RELN: variants seen among roughly 807,000 people sequenced by gnomAD.
The protein encoded by RELN is reelin.
A neutral mutation model predicts 427.6 loss-of-function variants in RELN; 108 were observed. The ratio of observed to expected loss-of-function variants is 0.25; its 90% confidence interval spans 0.22 to 0.30. The LOEUF is 0.30. Among genes scored for constraint, RELN ranks in the 10% least tolerant of loss-of-function variants. The probability of loss-of-function intolerance (pLI) is 1.00; values close to 1 mark genes in which losing one functional copy is unlikely to be tolerated. For missense variants in RELN, 3,715 were observed against 4,302.8 expected (o/e 0.86, Z 3.82); for synonymous variants, 1,524 against 1,513.4 (o/e 1.01, Z -0.16).
At chr7:103,503,921 A>G (rs1395166147) in intron 51 of RELN, among the ~76,000 whole-genome samples, 1 of 145,928 alleles carries the variant, frequency 6.9e-6, no homozygotes, top group Admixed American at 6.8e-5. Context: ...AAAAAAAACT[A>G]GAGGCTGGGT....
chr7:103,887,968 T>TCC (rs1794761340), intron 2 of RELN, among the ~76,000 whole-genome samples: 8 of 152,138 alleles, frequency 5.3e-5, no homozygotes, highest in African/African-American at 1.9e-4. Context: ...GGGAAAACCC[T>TCC]TGGTGACATG....
At chr7:103,841,647 T>C (rs953645078) in intron 2 of RELN, among the ~76,000 whole-genome samples, 4 of 152,288 alleles carry the variant, frequency 2.6e-5, no homozygotes, top group Middle Eastern at 3.4e-3. Context: ...TTCTGTGCTT[T>C]TAATGTGCAC....
In RELN at chr7:103,589,636, T is replaced by C. The variant is rs115633553; in HGVS notation, c.4105A>G (p.Thr1369Ala). The C allele has an allele frequency of 1.2e-5, 19 of 1,613,980 alleles. No homozygotes were observed. Among genetic ancestry groups the C allele is most frequent in the Non-Finnish European group, 1.6e-5 (19 of 1,179,854 alleles). Residue 1369 changes from threonine (T) to alanine (A), a missense_variant, in exon 28 of 65, where the codon ACA (threonine) becomes GCA (alanine). Around this residue, in one of 4 missense-constraint regions of RELN, gnomAD observed 2,208 missense variants for 2,361.7 expected, o/e 0.93. Transcript: ENST00000428762. ...CTTGGAATAACAATGGTGATTCTTG[T>C]CCATTCTTCAAAGTCCCCTGTGTGA... ...MYHTGDFEEWTRITIVIPRSL... is the reference protein window; with the variant it reads ...MYHTGDFEEWARITIVIPRSL...
Position 103,986,629 on chromosome 7 carries a change from T to TAAA in RELN, c.226+2499_226+2501dup, listed in dbSNP as rs34403864. ...CTCTATCTCAATGCATTCTTTTAGG[T>TAAA]AAAAAAAAAAAAAAAAAAAAAAAGT... On this transcript the variant is annotated intron_variant, in intron 1 of 64. Transcript: ENST00000428762. 5.8e-4 allele frequency among the ~76,000 whole-genome samples: 59 copies of TAAA among 102,294 alleles called. No homozygotes were observed. In the East Asian group the frequency reaches 8.7e-3, roughly 15 times the overall value. The allele number at this position is 102,294 out of a possible 152,430, so 67.1% of individuals were successfully genotyped here.
chr7:103,651,126 C>T (rs938515098), intron 15 of RELN, among the ~76,000 whole-genome samples: 1 of 152,046 alleles, frequency 6.6e-6, no homozygotes, highest in Non-Finnish European at 1.5e-5. Context: ...AAATAATTCC[C>T]AACTTAATTT....
chr7:103,523,162 A>G (rs1312938343), intron 47 of RELN, among the ~76,000 whole-genome samples: 1 of 152,214 alleles, frequency 6.6e-6, no homozygotes, highest in Non-Finnish European at 1.5e-5. Context: ...ATAGTTAATT[A>G]TAATTCATCT....
chr7:103,581,531 C>A (rs1340851316), intron 28 of RELN, among the ~76,000 whole-genome samples: 1 of 152,062 alleles, frequency 6.6e-6, no homozygotes, highest in Non-Finnish European at 1.5e-5. Context: ...ACACTGAATG[C>A]ATTTTTCAAG....
intron 4 of RELN, among the ~76,000 whole-genome samples, chr7:103,765,195 T>G (rs1791399430): frequency 6.6e-6 from 1 of 151,794 alleles, no homozygotes; most frequent in African/African-American, 2.4e-5. Context: ...GAGGAGGAGG[T>G]GGCCACTGAA....
At chr7:103,845,285 G>T (rs1260994442) in intron 2 of RELN, among the ~76,000 whole-genome samples, 1 of 151,980 alleles carries the variant, frequency 6.6e-6, no homozygotes, top group African/African-American at 2.4e-5. Context: ...CTGCTTCCTG[G>T]GTTCAAGTGA....
intron 1 of RELN, among the ~76,000 whole-genome samples, chr7:103,986,957 TGTGTGTGTG>T (rs1797112597): frequency 6.6e-6 from 1 of 151,270 alleles, no homozygotes; most frequent in African/African-American, 2.4e-5. Flanking sequence ...TGTGTGTGTG[TGTGTGTGTG>T]TGTGTGTCTG....
chr7:103,781,456 T>C (rs1791887968), intron 3 of RELN, among the ~76,000 whole-genome samples: 1 of 152,194 alleles, frequency 6.6e-6, no homozygotes. Flanking sequence ...CAGATAAAAT[T>C]GTATGTAAAG....
chr7:103,764,834 C>CAAAA (rs545236187), intron 4 of RELN, among the ~76,000 whole-genome samples: 4 of 52,574 alleles, frequency 7.6e-5, no homozygotes, highest in African/African-American at 2.2e-4. Flanking sequence ...AGACTCCTCT[C>CAAAA]AAAAAAAAAA....
intron 10 of RELN, among the ~76,000 whole-genome samples, chr7:103,693,600 G>A (rs903763382): frequency 1.3e-5 from 2 of 151,436 alleles, no homozygotes; most frequent in Non-Finnish European, 3.0e-5. Flanking sequence ...TAAAAAGAAA[G>A]AAAATTAGGC....
chr7:103,677,405 TATAATA>T (rs370333905), intron 11 of RELN, among the ~76,000 whole-genome samples: 12,654 of 134,282 alleles, frequency 0.094, 767 homozygotes, highest in African/African-American at 0.15. Flanking sequence ...GAACTTAAAG[TATAATA>T]ATAATAATAA....
intron 6 of RELN, among the ~76,000 whole-genome samples, chr7:103,728,423 G>C (rs985692278): frequency 1.3e-5 from 2 of 152,080 alleles, no homozygotes; most frequent in African/African-American, 2.4e-5. Context: ...ACAGTGGTGG[G>C]TAAGTTACTT....
intron 3 of RELN, among the ~76,000 whole-genome samples, chr7:103,822,315 C>T (rs1584268990): frequency 6.6e-6 from 1 of 151,918 alleles, no homozygotes; most frequent in African/African-American, 2.4e-5. Context: ...TTGTTAAACT[C>T]TAGCAAGTTT....
chr7:103,500,993 T>C, intron 52 of RELN, 71 bp from the exon 53 acceptor site: 1 of 1,345,540 alleles, frequency 7.4e-7, no homozygotes. Context: ...GTCCTGCATG[T>C]GTATTCAGTA....
chr7:103,920,544 CAT>C (rs1046175967), intron 1 of RELN, among the ~76,000 whole-genome samples: 24 of 149,352 alleles, frequency 1.6e-4, no homozygotes, highest in Non-Finnish European at 2.7e-4. Context: ...TGGGTATACA[CAT>C]GTTTGTTGTA....
intron 1 of RELN, among the ~76,000 whole-genome samples, chr7:103,951,467 A>T (rs1294133977): frequency 6.6e-6 from 1 of 152,176 alleles, no homozygotes; most frequent in Non-Finnish European, 1.5e-5. Context: ...CTAACCAGGC[A>T]CACTTGACTG....
Sources: gnomAD v4.1 joint callset for allele counts (sites outside exome capture counted in the v4.1 genomes callset) on GRCh38, gnomAD v4.1.1 for gene constraint, gnomAD v4.1.1 regional missense constraint, MANE v1.5 for transcripts, NCBI Gene and HGNC (gene_info 2026-07-23, HGNC 2026-07-21) for gene names.